Variants in DOCK11 observed in about 807,000 individuals in gnomAD.
DOCK11 encodes dedicator of cytokinesis protein 11.
A neutral mutation model predicts 169.1 loss-of-function variants in DOCK11; 70 were observed. The observed-to-expected ratio is 0.41, with a 90% confidence interval of 0.34 to 0.51. The LOEUF is 0.51. Among genes scored for constraint, DOCK11 ranks in the 20% least tolerant of loss-of-function variants. The probability of loss-of-function intolerance (pLI) is 0.10; values close to 1 mark genes in which losing one functional copy is unlikely to be tolerated. For synonymous variants in DOCK11, 529 were observed against 541.3 expected, an observed-to-expected ratio of 0.98 and a Z score of 0.32; for missense variants, 1,166 against 1,538.8, an observed-to-expected ratio of 0.76 and a Z score of 4.05.
chrX:118,619,497 A>ATATATATAT (rs1247643709), intron 31 of DOCK11, among the ~76,000 whole-genome samples: 24 of 90,848 alleles, frequency 2.6e-4, no homozygotes, highest in African/African-American at 8.3e-4. Context: ...AAAAAAAAAA[A>ATATATATAT]ATATATATAT....
chrX:118,658,396 G>A (rs1365842580), intron 44 of DOCK11, among the ~76,000 whole-genome samples: 4 of 112,075 alleles, frequency 3.6e-5, no homozygotes, highest in Non-Finnish European at 7.5e-5. Context: ...CGTTTTTAAG[G>A]AAAAAAAATA....
chrX:118,639,439 C>G lies in DOCK11; in HGVS notation c.4006C>G (p.His1336Asp). The change falls in exon 38 of 53, where the codon CAT (histidine) becomes GAT (aspartate). Residue 1336 changes from histidine to aspartate, a missense_variant. His to Asp is a moderately conservative substitution (Grantham distance 81). Coordinates refer to ENST00000276202, the MANE Select transcript of DOCK11 (RefSeq NM_144658.4). ...TGACTTTAAAATTTATTTTAGGGTG[C>G]ATGATGCCTGGCTGTCAAAACACTT... is the stretch of plus-strand genomic sequence containing the variant. ...YMGKRNIARV[H>D]DAWLSKHFGI... 8.3e-7 allele frequency: 1 copy of G among 1,209,205 alleles called. No homozygotes were observed. The highest frequency in any genetic ancestry group is 2.3e-4 in the Middle Eastern group (1 of 4,317).
intron 44 of DOCK11, among the ~76,000 whole-genome samples, chrX:118,661,001 G>A (rs2016200313): frequency 9.1e-6 from 1 of 109,460 alleles, no homozygotes; most frequent in Non-Finnish European, 1.9e-5. Context: ...TTGAGCTCAG[G>A]AGTTTGAGAC....
At chrX:118,608,423 TTTCAC>T in intron 26 of DOCK11, 67 bp downstream of exon 26, 5 of 1,097,953 alleles carry the variant, frequency 4.6e-6, no homozygotes, top group Non-Finnish European at 4.9e-6. Context: ...TACCCTCCCG[TTTCAC>T]TTCTAGTCTT....
At chrX:118,596,685 A>G (rs2014177576) in intron 20 of DOCK11, among the ~76,000 whole-genome samples, 1 of 112,094 alleles carries the variant, frequency 8.9e-6, no homozygotes, top group Non-Finnish European at 1.9e-5. Context: ...TTTTTTAGCT[A>G]GAACATGATG....
At chrX:118,512,193 G>T (rs1250591537) in intron 1 of DOCK11, among the ~76,000 whole-genome samples, 1 of 112,323 alleles carries the variant, frequency 8.9e-6, no homozygotes, top group Admixed American at 9.5e-5. Context: ...GAGCCACCAT[G>T]CCCTGCTCCG....
intron 28 of DOCK11, among the ~76,000 whole-genome samples, chrX:118,613,474 G>A (rs1032625295): frequency 8.9e-6 from 1 of 112,306 alleles, no homozygotes; most frequent in Non-Finnish European, 1.9e-5. Flanking sequence ...TAGGTGAGAC[G>A]ACAGGAAAAC....
chrX:118,614,086 G>A lies in DOCK11; in HGVS notation c.3097-606G>A, dbSNP rs150358548. Among the ~76,000 whole-genome samples the A allele has an allele frequency of 8.9e-4, 100 of 111,741 alleles. No individual in the cohort carries two copies. In the East Asian group the frequency reaches 0.026, roughly 29 times the overall value. Reference sequence around the variant, plus strand: ...CATGAGAGACATGAAGACTGAGGAGGTTAACTGCAGTTTTTCAGTTGCAAG... The same window carrying A: ...CATGAGAGACATGAAGACTGAGGAGATTAACTGCAGTTTTTCAGTTGCAAG... On this transcript the variant is annotated intron_variant, in intron 28 of 52. Coordinates refer to ENST00000276202, the MANE Select transcript of DOCK11 (RefSeq NM_144658.4).
intron 44 of DOCK11, 22 bp from the exon 45 acceptor site, chrX:118,662,664 A>G: frequency 1.1e-6 from 1 of 946,302 alleles, no homozygotes; most frequent in African/African-American, 1.9e-5. Context: ...AATTCACTCC[A>G]CTGTTTTTTT....
At chrX:118,523,884 C>T (rs2011315319) in intron 1 of DOCK11, among the ~76,000 whole-genome samples, 2 of 111,239 alleles carry the variant, frequency 1.8e-5, no homozygotes, top group Admixed American at 1.9e-4. Flanking sequence ...GGAGTTTGAT[C>T]CTCCGAGATG....
chrX:118,672,714 C>T (rs1319411777), intron 46 of DOCK11, among the ~76,000 whole-genome samples: 2 of 113,154 alleles, frequency 1.8e-5, no homozygotes, highest in Admixed American at 1.9e-4. Context: ...GGATTACAGG[C>T]GTGAGCCACC....
chrX:118,591,961 C>G (rs2014013460), intron 19 of DOCK11, among the ~76,000 whole-genome samples: 1 of 107,173 alleles, frequency 9.3e-6, no homozygotes. Flanking sequence ...AGGACATGAG[C>G]TCATCATTTT....
At chrX:118,648,550 C>CAT (rs201393196) in intron 40 of DOCK11, among the ~76,000 whole-genome samples, 13,905 of 92,927 alleles carry the variant, frequency 0.15, 849 homozygotes, top group Non-Finnish European at 0.17. Context: ...TTATATATAA[C>CAT]ATAAATTATA....
chrX:118,609,136 A>T, intron 26 of DOCK11, 142 bp from the exon 27 acceptor site: 1 of 444,842 alleles, frequency 2.2e-6, no homozygotes, highest in East Asian at 4.1e-5. Flanking sequence ...CCATTTGCAG[A>T]TATTCTGTGA....
chrX:118,648,145 A>G (rs1299483153), intron 40 of DOCK11, among the ~76,000 whole-genome samples: 1 of 77,766 alleles, frequency 1.3e-5, no homozygotes, highest in Non-Finnish European at 2.3e-5. Context: ...TAATATATAA[A>G]TTAATATATA....
chrX:118,559,559 C>G (rs1409761390), intron 6 of DOCK11, among the ~76,000 whole-genome samples: 1 of 110,576 alleles, frequency 9.0e-6, no homozygotes, highest in Non-Finnish European at 1.9e-5. Flanking sequence ...AATTTTAAGC[C>G]TTCTATTCCC....
chrX:118,606,941 A>G (rs1047504318), intron 24 of DOCK11, among the ~76,000 whole-genome samples: 1 of 109,435 alleles, frequency 9.1e-6, no homozygotes, highest in African/African-American at 3.3e-5. Context: ...CTTACCCCCA[A>G]TTATAGTTCA....
chrX:118,627,614 G>A, intron 33 of DOCK11, 35 bp downstream of exon 33: 1 of 1,044,486 alleles, frequency 9.6e-7, no homozygotes, highest in Non-Finnish European at 1.3e-6. Context: ...ACATTGCGTG[G>A]GTGTTTAGAC....
intron 1 of DOCK11, among the ~76,000 whole-genome samples, chrX:118,542,508 GTGTGTGTGTGTT>G: frequency 1.3e-5 from 1 of 79,854 alleles, no homozygotes; most frequent in African/African-American, 4.8e-5. Context: ...GTCTGTGTGT[GTGTGTGTGTGTT>G]TGTGTGTGTG....
Sources: gnomAD v4.1 joint callset for allele counts (sites outside exome capture counted in the v4.1 genomes callset) on GRCh38, gnomAD v4.1.1 for gene constraint, MANE v1.5 for transcripts, NCBI Gene and HGNC (gene_info 2026-07-23, HGNC 2026-07-21) for gene names.